CBLB: variants seen among roughly 807,000 people sequenced by gnomAD.
CBLB encodes Cbl proto-oncogene B, also known as E3 ubiquitin-protein ligase CBL-B.
In CBLB, 31 loss-of-function variants were observed where a neutral mutation model predicts 104.9. The ratio of observed to expected loss-of-function variants is 0.30; its 90% CI spans 0.22 to 0.40. CBLB has a LOEUF of 0.40. Among genes scored for constraint, CBLB ranks in the 10% least tolerant of loss-of-function variants. The pLI, the probability that CBLB is intolerant of heterozygous loss-of-function variation, is 1.00. For missense variants in CBLB, 1,062 were observed against 1,214.6 expected, an observed-to-expected ratio of 0.87 and a Z score of 1.87; for synonymous variants, 440 against 422.6, an observed-to-expected ratio of 1.04 and a Z score of -0.51.
At chr3:105,691,105 T>G (rs1394794466) in intron 13 of CBLB, among the ~76,000 whole-genome samples, 1 of 152,236 alleles carries the variant, frequency 6.6e-6, no homozygotes, top group Non-Finnish European at 1.5e-5. Flanking sequence ...CTTGTGCTTA[T>G]GTATCTCACT....
chr3:105,840,922 T>C (rs1377297397), intron 3 of CBLB, among the ~76,000 whole-genome samples: 1 of 151,536 alleles, frequency 6.6e-6, no homozygotes, highest in African/African-American at 2.4e-5. Flanking sequence ...TAAAGGATAA[T>C]GAGCTTGAAA....
At chr3:105,792,768 C>A (rs992934247) in intron 3 of CBLB, among the ~76,000 whole-genome samples, 1 of 152,072 alleles carries the variant, frequency 6.6e-6, no homozygotes, top group Non-Finnish European at 1.5e-5. Flanking sequence ...CTGCCTAATT[C>A]GAGAAAGGAG....
intron 3 of CBLB, among the ~76,000 whole-genome samples, chr3:105,843,540 G>A (rs1263237669): frequency 6.6e-6 from 1 of 151,962 alleles, no homozygotes; most frequent in Non-Finnish European, 1.5e-5. Flanking sequence ...GTACATATTT[G>A]TATTACTAAT....
Position 105,832,266 on chromosome 3 carries a change from AAAAT to A in CBLB, c.419+21144_419+21147del, listed in dbSNP as rs1467337640. On this transcript the variant is annotated intron_variant, in intron 3 of 18. Transcript: ENST00000394030. ...TGAAATTTTAATGTCCACTAAGAAGAAAATATAACATGAATCAGGATAAATAACA... is the reference window on the plus strand; with the variant it reads ...TGAAATTTTAATGTCCACTAAGAAGAATAACATGAATCAGGATAAATAACA... Among the ~76,000 whole-genome samples the A allele has an allele frequency of 9.3e-4, 141 of 152,308 alleles. 1 individual carries two copies. Among genetic ancestry groups the A allele is most frequent in the African/African-American group, 3.4e-3 (140 of 41,570 alleles).
rs201342201 is a variant in CBLB at position 105,791,190 on chromosome 3, A to C, written c.420-14648T>G. ...AATATAATCTAGATTTAACAAATTGAGAAAACAAGCAAAAGAAAACAATAG... is the reference window on the plus strand; with the variant it reads ...AATATAATCTAGATTTAACAAATTGCGAAAACAAGCAAAAGAAAACAATAG... On this transcript the variant is annotated intron_variant, in intron 3 of 18. Transcript: ENST00000394030. Among the ~76,000 whole-genome samples, 5 of 152,344 alleles carry C rather than the reference A, an allele frequency of 3.3e-5. No homozygotes were observed. In the East Asian group the frequency reaches 9.6e-4, roughly 29 times the overall value.
chr3:105,835,014 C>G (rs2088226373), intron 3 of CBLB, among the ~76,000 whole-genome samples: 2 of 152,218 alleles, frequency 1.3e-5, no homozygotes, highest in Non-Finnish European at 2.9e-5. Context: ...ACAGGACAGT[C>G]TGCCTTTCAC....
chr3:105,716,330 T>G (rs1306597091), intron 10 of CBLB, among the ~76,000 whole-genome samples: 2 of 152,176 alleles, frequency 1.3e-5, no homozygotes, highest in Admixed American at 1.3e-4. Flanking sequence ...AAGGAACATG[T>G]GTGCAGGAGT....
intron 18 of CBLB, among the ~76,000 whole-genome samples, chr3:105,669,562 T>TTAA (rs1319687780): frequency 6.6e-6 from 1 of 152,162 alleles, no homozygotes; most frequent in Non-Finnish European, 1.5e-5. Context: ...CTCCAAAGTG[T>TTAA]TAATACTTTA....
intron 13 of CBLB, among the ~76,000 whole-genome samples, chr3:105,690,682 C>G (rs1369509129): frequency 6.6e-6 from 1 of 152,000 alleles, no homozygotes; most frequent in African/African-American, 2.4e-5. Context: ...ATTAGCCGGG[C>G]ATAGTGGCGG....
rs144219466 is a variant in CBLB, at chr3:105,853,380, C to CTTT, written c.419+31_419+33dup. 9,605 of 1,610,252 alleles carry CTTT rather than the reference C, an allele frequency of 6.0e-3. 47 individuals carry two copies. Among genetic ancestry groups the CTTT allele is most frequent in the Non-Finnish European group, 7.4e-3 (8,760 of 1,177,274 alleles). ...TTAAGTAAAAAGCAACATAAATGACCTTTACACCAAAACATCTGAAATATT... is the reference window on the plus strand; with the variant it reads ...TTAAGTAAAAAGCAACATAAATGACCTTTTTTACACCAAAACATCTGAAATATT... On this transcript the variant is annotated intron_variant, in intron 3 of 18. Coordinates refer to ENST00000394030, the MANE Select transcript of CBLB (RefSeq NM_170662.5).
intron 4 of CBLB, among the ~76,000 whole-genome samples, chr3:105,766,678 C>T (rs1479487549): frequency 6.6e-6 from 1 of 152,174 alleles, no homozygotes; most frequent in Non-Finnish European, 1.5e-5. Flanking sequence ...CATAATGCTA[C>T]TGCACACCTA....
intron 18 of CBLB, among the ~76,000 whole-genome samples, chr3:105,660,501 ATTT>A (rs1266066457): frequency 6.6e-6 from 1 of 152,060 alleles, no homozygotes; most frequent in African/African-American, 2.4e-5. Context: ...CCATATATAC[ATTT>A]TAAAATGTCA....
intron 17 of CBLB, among the ~76,000 whole-genome samples, chr3:105,676,842 G>A (rs1241878865): frequency 1.3e-5 from 2 of 152,122 alleles, no homozygotes; most frequent in East Asian, 3.9e-4. Context: ...ATGATAGTGA[G>A]TGCTCATGAG....
chr3:105,819,854 G>T (rs976503167), intron 3 of CBLB, among the ~76,000 whole-genome samples: 1 of 152,106 alleles, frequency 6.6e-6, no homozygotes. Flanking sequence ...CCCTACATGT[G>T]TTAGGGCAGC....
chr3:105,681,978 C>T lies in CBLB; in HGVS notation c.2202-160G>A, dbSNP rs1047353495. 7 of 600,496 alleles carry T rather than the reference C, an allele frequency of 1.2e-5. No homozygotes were observed. In the East Asian group the frequency reaches 1.4e-4, roughly 12 times the overall value. The allele number at this position is 600,496 out of a possible 1,614,324, so 37.2% of individuals were successfully genotyped here. ...CAGTAATAACATCAAGATACTCATC[C>T]CTTATTTTAAAATGTAGAAGTAAAT... On this transcript the variant is annotated intron_variant, in intron 14 of 18. Transcript: ENST00000394030.
intron 2 of CBLB, among the ~76,000 whole-genome samples, chr3:105,859,997 T>C (rs1428641686): frequency 1.3e-5 from 2 of 152,222 alleles, no homozygotes; most frequent in Non-Finnish European, 2.9e-5. Flanking sequence ...AAGACCTTTA[T>C]GGTTTTCCAC....
chr3:105,777,835 CA>C (rs2079660544), intron 3 of CBLB, among the ~76,000 whole-genome samples: 1 of 152,256 alleles, frequency 6.6e-6, no homozygotes, highest in East Asian at 1.9e-4. Flanking sequence ...CTTCATACTA[CA>C]AAACAGTACT....
rs780194372 is a variant in CBLB, at chr3:105,681,798, C to T, written c.2222G>A (p.Cys741Tyr). Residue 741 changes from cysteine (C) to tyrosine (Y), a missense_variant, in exon 15 of 19, where the codon TGT becomes TAT. Physicochemically the swap from Cys to Tyr is radical, Grantham distance 194 (BLOSUM62 -2). Transcript: ENST00000394030. Reference sequence around the variant, plus strand: ...TGGACCATGTGTTCCATTCAGCATACAGTGACCATTATCACAAGACCTAAA... The same window carrying T: ...TGGACCATGTGTTCCATTCAGCATATAGTGACCATTATCACAAGACCTAAA... ...PPVRSCDNGHCMLNGTHGPSS... is the reference protein window; with the variant it reads ...PPVRSCDNGHYMLNGTHGPSS... The T allele has an allele frequency of 1.2e-6, 2 of 1,606,858 alleles. No homozygotes were observed. Among genetic ancestry groups the T allele is most frequent in the African/African-American group, 1.3e-5 (1 of 74,766 alleles).
At chr3:105,846,390 T>C (rs1422893722) in intron 3 of CBLB, among the ~76,000 whole-genome samples, 1 of 152,070 alleles carries the variant, frequency 6.6e-6, no homozygotes, top group Non-Finnish European at 1.5e-5. Context: ...GTATAATTTA[T>C]TTATAAAAGA....
Sources: gnomAD v4.1 joint callset for allele counts (sites outside exome capture counted in the v4.1 genomes callset) on GRCh38, gnomAD v4.1.1 for gene constraint, MANE v1.5 for transcripts, NCBI Gene and HGNC (gene_info 2026-07-23, HGNC 2026-07-21) for gene names.